Variants in EPHA5 observed in about 807,000 individuals in gnomAD.
EPHA5 encodes the protein EPH receptor A5.
In EPHA5, 60 loss-of-function variants were observed where a neutral mutation model predicts 105.0. The observed-to-expected ratio is 0.57, with a 90% CI of 0.46 to 0.71. EPHA5 has a LOEUF of 0.71. Among genes scored for constraint, EPHA5 ranks in the 30% least tolerant of loss-of-function variants. EPHA5 has a pLI of 0.00. For missense variants in EPHA5, 1,218 were observed against 1,274.7 expected, an observed-to-expected ratio of 0.96 and a Z score of 0.68; for synonymous variants, 513 against 449.1, an observed-to-expected ratio of 1.14 and a Z score of -1.80.
At position 65,501,408 on chromosome 4, in the gene EPHA5, C is replaced by G. The variant is rs114487298; in HGVS notation, c.911-5865G>C. Among the ~76,000 whole-genome samples, 81 of 151,488 alleles carry G rather than the reference C, an allele frequency of 5.3e-4. 1 individual carries two copies. The highest frequency in any genetic ancestry group is 1.9e-3 in the African/African-American group (78 of 41,460). On this transcript the variant is annotated intron_variant, in intron 3 of 16. Coordinates refer to ENST00000613740, the MANE Select transcript of EPHA5 (RefSeq NM_001281766.3). ...GGATCTGATAAATGACATCAGTAAA[C>G]CTTCAGGATGCAAAATCAATGTATA...
chr4:65,398,382 A>C (rs555939528), intron 8 of EPHA5, among the ~76,000 whole-genome samples: 4 of 152,108 alleles, frequency 2.6e-5, no homozygotes, highest in Non-Finnish European at 5.9e-5. Flanking sequence ...GTGGCTCAGC[A>C]TGGGCCTGCA....
At chr4:65,501,657 A>G (rs1207233811) in intron 3 of EPHA5, among the ~76,000 whole-genome samples, 1 of 151,812 alleles carries the variant, frequency 6.6e-6, no homozygotes, top group African/African-American at 2.4e-5. Flanking sequence ...AGGAATCAAC[A>G]TCATTAAAAT....
intron 3 of EPHA5, among the ~76,000 whole-genome samples, chr4:65,505,958 T>G (rs573781102): frequency 5.9e-5 from 9 of 152,254 alleles, no homozygotes; most frequent in Admixed American, 2.0e-4. Context: ...CATTGACTCG[T>G]CATTTAACAT....
At position 65,505,897 on chromosome 4, in the gene EPHA5, C is replaced by T. The variant is rs75858656; in HGVS notation, c.911-10354G>A. The stretch of plus-strand genomic sequence containing the variant: ...TAAGTTTTAGGGTACATGTGCACAA[C>T]GTGCAGGTTTGTTACATATGTATAC... On this transcript the variant is annotated intron_variant, in intron 3 of 16. Coordinates refer to ENST00000613740, the MANE Select transcript of EPHA5 (RefSeq NM_001281766.3). Among the ~76,000 whole-genome samples the T allele has an allele frequency of 2.2e-3, 341 of 152,074 alleles. 1 individual carries two copies. Among genetic ancestry groups the T allele is most frequent in the African/African-American group, 6.2e-3 (258 of 41,514 alleles).
At chr4:65,335,814 A>G in intron 15 of EPHA5, 118 bp downstream of exon 15, 2 of 979,598 alleles carry the variant, frequency 2.0e-6, no homozygotes, top group African/African-American at 1.7e-5. Context: ...CAAATAAATT[A>G]GTGTCATATA....
intron 11 of EPHA5, among the ~76,000 whole-genome samples, chr4:65,361,499 G>A (rs1043369140): frequency 6.6e-6 from 1 of 151,638 alleles, no homozygotes; most frequent in Admixed American, 6.6e-5. Flanking sequence ...AATGTGTATG[G>A]AGTGGACTAA....
At chr4:65,604,133 A>G (rs1260752834) in intron 2 of EPHA5, among the ~76,000 whole-genome samples, 1 of 5,332 alleles carries the variant, frequency 1.9e-4, no homozygotes, top group Non-Finnish European at 8.0e-4. Flanking sequence ...TTGATGACCT[A>G]TTTCTGGACA....
At chr4:65,407,108 T>A (rs1274483286) in intron 7 of EPHA5, among the ~76,000 whole-genome samples, 4 of 152,156 alleles carry the variant, frequency 2.6e-5, no homozygotes, top group Non-Finnish European at 5.9e-5. Flanking sequence ...TCAAATTAAA[T>A]ATCTAAAATA....
At position 65,396,250 on chromosome 4, in the gene EPHA5, C is replaced by A. The variant is rs558503623; in HGVS notation, c.1793+8124G>T. ...GTGCTGACACACCAACCCCCTGCTA[C>A]CTAGATATTGATTAGGGTCCTAGTT... On this transcript the variant is annotated intron_variant, in intron 8 of 16. Coordinates refer to ENST00000613740, the MANE Select transcript of EPHA5 (RefSeq NM_001281766.3). Among the ~76,000 whole-genome samples, 6 of 152,278 alleles carry A rather than the reference C, an allele frequency of 3.9e-5. No homozygotes were observed. In the South Asian group the frequency reaches 1.0e-3, roughly 26 times the overall value.
rs746536063 is a variant in EPHA5 at position 65,335,920 on chromosome 4, C to G, written c.2789+12G>C. On this transcript the variant is annotated intron_variant, in intron 15 of 16. Coordinates refer to ENST00000613740, the MANE Select transcript of EPHA5 (RefSeq NM_001281766.3). Reference sequence around the variant, plus strand: ...CTACATTCTGGAAAATCACTCGGATCTGGCCTTGTACCTGCAGGATGCATT... The same window carrying G: ...CTACATTCTGGAAAATCACTCGGATGTGGCCTTGTACCTGCAGGATGCATT... 36 of 1,593,916 alleles carry G rather than the reference C, an allele frequency of 2.3e-5. No homozygotes were observed. The highest frequency in any genetic ancestry group is 2.6e-5 in the Non-Finnish European group (30 of 1,169,786).
At chr4:65,464,171 A>T (rs1205279425) in intron 5 of EPHA5, among the ~76,000 whole-genome samples, 2 of 151,934 alleles carry the variant, frequency 1.3e-5, no homozygotes, top group Middle Eastern at 3.2e-3. Flanking sequence ...TAATAACTTT[A>T]TTTTGGGAAG....
chr4:65,468,973 A>T (rs1729027003), intron 5 of EPHA5, among the ~76,000 whole-genome samples: 1 of 152,044 alleles, frequency 6.6e-6, no homozygotes, highest in South Asian at 2.1e-4. Flanking sequence ...GGAAGGAGCC[A>T]GCTTCATCAC....
chr4:65,614,003 A>G (rs1317975123), intron 2 of EPHA5, among the ~76,000 whole-genome samples: 1 of 151,962 alleles, frequency 6.6e-6, no homozygotes, highest in Non-Finnish European at 1.5e-5. Context: ...TTACTATAAA[A>G]ACAGATGTTT....
intron 2 of EPHA5, among the ~76,000 whole-genome samples, chr4:65,633,390 A>T: frequency 6.6e-6 from 1 of 151,900 alleles, no homozygotes; most frequent in East Asian, 1.9e-4. Flanking sequence ...CATGATAAAC[A>T]CCAATCAAAC....
At position 65,322,638 on chromosome 4, in the gene EPHA5, T is replaced by C. The variant is rs1255667878; in HGVS notation, c.*1476A>G. On this transcript the variant is annotated 3_prime_UTR_variant, in exon 17 of 17. Transcript: ENST00000613740. Reference sequence around the variant, plus strand: ...TTCATCATGTGTGGTATATAGAGCATACATAGAAGATATGTTATATTCCTT... The same window carrying C: ...TTCATCATGTGTGGTATATAGAGCACACATAGAAGATATGTTATATTCCTT... 4.4e-6 allele frequency: 1 copy of C among 225,404 alleles called. No homozygotes were observed. Among genetic ancestry groups the C allele is most frequent in the Non-Finnish European group, 8.8e-6 (1 of 113,142 alleles). 14.0% of individuals were successfully genotyped at this position (225,404 alleles called of 1,614,324 possible).
chr4:65,490,471 G>C lies in EPHA5; in HGVS notation c.1308C>G (p.Asn436Lys), dbSNP rs2149212701. The stretch of plus-strand genomic sequence containing the variant: ...TCACTGCCTCAATCTCAAAGGTATA[G>C]TTTGTGTGAGCGAGTAGATCCACCA... ...VMMVDLLAHTNYTFEIEAVNG... is the reference protein window; with the variant it reads ...VMMVDLLAHTKYTFEIEAVNG... Residue 436 changes from asparagine (N) to lysine (K), a missense_variant, in exon 5 of 17, where the codon AAC becomes AAG. This residue lies in a region of EPHA5 where 971 missense variants were observed against 1,013.5 expected (regional missense o/e 0.96). Coordinates refer to ENST00000613740, the MANE Select transcript of EPHA5 (RefSeq NM_001281766.3). 6.2e-7 allele frequency: 1 copy of C among 1,614,162 alleles called. No homozygotes were observed. The highest frequency in any genetic ancestry group is 8.5e-7 in the Non-Finnish European group (1 of 1,180,022).
intron 3 of EPHA5, among the ~76,000 whole-genome samples, chr4:65,574,984 G>A (rs1287909134): frequency 2.0e-5 from 3 of 151,742 alleles, no homozygotes; most frequent in Non-Finnish European, 4.4e-5. Flanking sequence ...ACAGTGAGGA[G>A]GCTGGTACAG....
chr4:65,653,125 A>G (rs769316994), intron 1 of EPHA5, among the ~76,000 whole-genome samples: 1 of 152,086 alleles, frequency 6.6e-6, no homozygotes, highest in Non-Finnish European at 1.5e-5. Context: ...AACAACCTAT[A>G]TAATCATTAG....
At chr4:65,586,201 G>A (rs1192387831) in intron 3 of EPHA5, among the ~76,000 whole-genome samples, 1 of 151,378 alleles carries the variant, frequency 6.6e-6, no homozygotes, top group African/African-American at 2.4e-5. Context: ...TTGCATATAT[G>A]TTATTTTGAA....
Sources: allele counts gnomAD v4.1 joint callset (sites outside exome capture counted in the v4.1 genomes callset), GRCh38; gene constraint gnomAD v4.1.1; regional missense constraint gnomAD v4.1.1; transcripts MANE v1.5; gene names NCBI Gene and HGNC (gene_info 2026-07-23, HGNC 2026-07-21).